Variants in FHOD3 observed in about 807,000 individuals in gnomAD.
FHOD3 encodes the protein formin homology 2 domain containing 3.
A neutral mutation model predicts 173.0 loss-of-function variants in FHOD3; 90 were observed. That is an observed-to-expected ratio of 0.52 (90% confidence interval 0.44 to 0.62). The LOEUF (loss-of-function observed/expected upper bound fraction) is 0.62, where lower values mean the gene tolerates loss of function less well. Ranked by LOEUF, FHOD3 falls within the 20% of genes least tolerant of loss-of-function variation. FHOD3 has a pLI of 0.00. For synonymous variants in FHOD3, 828 were observed against 823.0 expected, an observed-to-expected ratio of 1.01 and a Z score of -0.10; for missense variants, 1,945 against 2,034.7, an observed-to-expected ratio of 0.96 and a Z score of 0.85.
chr18:36,432,816 A>G (rs184036282), intron 3 of FHOD3, among the ~76,000 whole-genome samples: 2 of 152,276 alleles, frequency 1.3e-5, no homozygotes, highest in Admixed American at 6.5e-5. Context: ...TTTGGACTTC[A>G]TTTGGGAGCA....
intron 18 of FHOD3, among the ~76,000 whole-genome samples, chr18:36,712,473 A>C (rs950510065): frequency 6.6e-6 from 1 of 151,982 alleles, no homozygotes; most frequent in East Asian, 1.9e-4. Context: ...AACAACAAAA[A>C]AAAAAAATAC....
At chr18:36,754,324 C>G (rs193021261) in intron 24 of FHOD3, among the ~76,000 whole-genome samples, 1 of 152,050 alleles carries the variant, frequency 6.6e-6, no homozygotes, top group Non-Finnish European at 1.5e-5. Flanking sequence ...GTATCATTTG[C>G]GTAATGTTGT....
chr18:36,621,189 A>G (rs2033677734), intron 9 of FHOD3, among the ~76,000 whole-genome samples: 1 of 152,198 alleles, frequency 6.6e-6, no homozygotes, highest in Non-Finnish European at 1.5e-5. Flanking sequence ...TTAGATTCTG[A>G]AAATGTGTCC....
At chr18:36,370,193 T>C (rs978042357) in intron 2 of FHOD3, among the ~76,000 whole-genome samples, 33 of 152,170 alleles carry the variant, frequency 2.2e-4, no homozygotes, top group African/African-American at 7.5e-4. Flanking sequence ...CTCAGCCTGC[T>C]TCCACCATCC....
intron 3 of FHOD3, among the ~76,000 whole-genome samples, chr18:36,390,275 T>C (rs1450237274): frequency 6.6e-6 from 1 of 152,226 alleles, no homozygotes; most frequent in East Asian, 1.9e-4. Context: ...TTCTTCCCTA[T>C]GCAGTGAGTG....
At position 36,355,575 on chromosome 18, in the gene FHOD3, G is replaced by C; in HGVS notation, c.202G>C (p.Ala68Pro). ...TACTCTGCAGCTCTCTCACAATGGC[G>C]CCTACCTGGATTTGGAGGCCACCCT... ...DCTLQLSHNG[A>P]YLDLEATLAE... Residue 68 changes from alanine to proline, a missense_variant, in exon 2 of 29, where the codon GCC (alanine) becomes CCC (proline). Ala to Pro is a conservative substitution (Grantham distance 27). This residue lies in a region of FHOD3 where 245 missense variants were observed against 267.7 expected (regional missense o/e 0.92). Coordinates refer to ENST00000590592, the MANE Select transcript of FHOD3 (RefSeq NM_001281740.3). 6.2e-7 allele frequency: 1 copy of C among 1,614,106 alleles called. No individual in the cohort carries two copies. Among genetic ancestry groups the C allele is most frequent in the South Asian group, 1.1e-5 (1 of 91,070 alleles).
intron 5 of FHOD3, 43 bp from the exon 6 acceptor site, chr18:36,576,408 T>C: frequency 7.2e-7 from 1 of 1,395,602 alleles, no homozygotes; most frequent in Non-Finnish European, 1.0e-6. Context: ...ATTATATTTC[T>C]ATATACATCT....
At chr18:36,592,778 G>A (rs566060067) in intron 6 of FHOD3, among the ~76,000 whole-genome samples, 1 of 152,280 alleles carries the variant, frequency 6.6e-6, no homozygotes, top group South Asian at 2.1e-4. Context: ...GAGGGAGCAG[G>A]CTGGGAGTGG....
At chr18:36,677,314 C>T (rs1478519915) in intron 14 of FHOD3, among the ~76,000 whole-genome samples, 8 of 152,050 alleles carry the variant, frequency 5.3e-5, no homozygotes, top group Non-Finnish European at 7.4e-5. Context: ...CCACCATGCC[C>T]AGCTAATTTT....
At chr18:36,484,940 T>G (rs1445003179) in intron 3 of FHOD3, among the ~76,000 whole-genome samples, 1 of 152,158 alleles carries the variant, frequency 6.6e-6, no homozygotes, top group Non-Finnish European at 1.5e-5. Context: ...CCCTCAGGGT[T>G]CTGCAGCTGA....
At chr18:36,434,619 CAGTGAA>C (rs1200575634) in intron 3 of FHOD3, among the ~76,000 whole-genome samples, 2 of 151,972 alleles carry the variant, frequency 1.3e-5, no homozygotes, top group Non-Finnish European at 2.9e-5. Flanking sequence ...ATTGGGATTG[CAGTGAA>C]AGTGAATCTG....
intron 3 of FHOD3, among the ~76,000 whole-genome samples, chr18:36,478,475 CTTG>C (rs1429080223): frequency 6.7e-6 from 1 of 150,020 alleles, no homozygotes; most frequent in African/African-American, 2.5e-5. Flanking sequence ...CTATAGTCCC[CTTG>C]TTGTGCTATC....
chr18:36,578,699 T>G (rs570736525), intron 6 of FHOD3, among the ~76,000 whole-genome samples: 38 of 152,244 alleles, frequency 2.5e-4, no homozygotes, highest in Middle Eastern at 6.8e-3. Context: ...GGGAGGAGTA[T>G]GGTTCTAGTT....
At chr18:36,748,072 T>A (rs1371480231) in intron 24 of FHOD3, among the ~76,000 whole-genome samples, 3 of 152,178 alleles carry the variant, frequency 2.0e-5, no homozygotes, top group African/African-American at 7.2e-5. Context: ...TTCAGACCAC[T>A]GAGAAAATGG....
intron 5 of FHOD3, among the ~76,000 whole-genome samples, chr18:36,541,760 C>A (rs549931122): frequency 1.3e-5 from 2 of 152,090 alleles, no homozygotes; most frequent in Non-Finnish European, 2.9e-5. Context: ...AAAGTTCAAC[C>A]TTTTAAAAAT....
intron 3 of FHOD3, among the ~76,000 whole-genome samples, chr18:36,384,169 A>G (rs574421059): frequency 1.3e-5 from 2 of 152,230 alleles, no homozygotes; most frequent in South Asian, 4.2e-4. Context: ...TTGGGAGGTC[A>G]GGAGATCAAG....
chr18:36,589,056 G>T lies in FHOD3; in HGVS notation c.607-5731G>T, dbSNP rs900394006. On this transcript the variant is annotated intron_variant, in intron 6 of 28. Transcript: ENST00000590592. ...AAGAGGAATCTCTGGTCCTCTGAAGGCTTTTAGCCTTTATTTTGAGAGTGC... is the reference window on the plus strand; with the variant it reads ...AAGAGGAATCTCTGGTCCTCTGAAGTCTTTTAGCCTTTATTTTGAGAGTGC... 1.1e-4 allele frequency among the ~76,000 whole-genome samples: 17 copies of T among 152,154 alleles called. 1 individual carries two copies. Among genetic ancestry groups the T allele is most frequent in the Non-Finnish European group, 4.4e-5 (3 of 68,040 alleles).
chr18:36,475,879 C>T (rs1343642355), intron 3 of FHOD3, among the ~76,000 whole-genome samples: 2 of 151,384 alleles, frequency 1.3e-5, no homozygotes, highest in African/African-American at 4.9e-5. Context: ...CTTTTGTAAT[C>T]AAGAACAGCT....
At chr18:36,520,819 C>T (rs1264172315) in intron 5 of FHOD3, among the ~76,000 whole-genome samples, 1 of 152,106 alleles carries the variant, frequency 6.6e-6, no homozygotes, top group Admixed American at 6.5e-5. Context: ...TGGAATTTTC[C>T]ACGACCAAAT....
Sources: allele counts gnomAD v4.1 joint callset (sites outside exome capture counted in the v4.1 genomes callset), GRCh38; gene constraint gnomAD v4.1.1; regional missense constraint gnomAD v4.1.1; transcripts MANE v1.5; gene names NCBI Gene and HGNC (gene_info 2026-07-23, HGNC 2026-07-21).